The following AKAP6 variants were observed in gnomAD, a reference collection of about 807,000 sequenced individuals.
The protein encoded by AKAP6 is A-kinase anchor protein 6.
AKAP6 carries 58 observed loss-of-function variants against 188.5 expected under a neutral mutation model. That is an observed-to-expected ratio of 0.31 (90% confidence interval 0.25 to 0.38). The LOEUF (loss-of-function observed/expected upper bound fraction) is 0.38. Ranked by LOEUF, AKAP6 falls within the 10% of genes least tolerant of loss-of-function variation. AKAP6 has a pLI of 1.00. For missense variants in AKAP6, 2,710 were observed against 2,740.0 expected (o/e 0.99, Z 0.24); for synonymous variants, 989 against 998.6 (o/e 0.99, Z 0.18).
chr14:32,506,962 G>T (rs1880911896), intron 2 of AKAP6, among the ~76,000 whole-genome samples: 1 of 152,084 alleles, frequency 6.6e-6, no homozygotes, highest in Non-Finnish European at 1.5e-5. Context: ...AAAAAGTCTA[G>T]GTAAATGCTT....
intron 2 of AKAP6, among the ~76,000 whole-genome samples, chr14:32,479,851 G>A (rs948666942): frequency 6.6e-6 from 1 of 152,160 alleles, no homozygotes. Context: ...ACCTTGATCT[G>A]GGACTTCCCA....
chr14:32,646,471 A>G (rs17099409), intron 7 of AKAP6, among the ~76,000 whole-genome samples: 6,657 of 152,208 alleles, frequency 0.044, 495 homozygotes, highest in African/African-American at 0.15. Context: ...CGCAAGATCT[A>G]CCATAAGCGT....
At chr14:32,457,094 A>G (rs1891170683) in intron 2 of AKAP6, among the ~76,000 whole-genome samples, 1 of 152,236 alleles carries the variant, frequency 6.6e-6, no homozygotes, top group African/African-American at 2.4e-5. Flanking sequence ...AACTCTGAGC[A>G]GCAGTTAAAT....
chr14:32,737,079 A>G (rs778377822), intron 11 of AKAP6, among the ~76,000 whole-genome samples: 1 of 152,094 alleles, frequency 6.6e-6, no homozygotes, highest in Non-Finnish European at 1.5e-5. Flanking sequence ...GACCCATCCT[A>G]ACCTCTACTG....
intron 4 of AKAP6, among the ~76,000 whole-genome samples, chr14:32,567,796 T>C (rs1884267879): frequency 6.6e-6 from 1 of 152,210 alleles, no homozygotes; most frequent in East Asian, 1.9e-4. Context: ...AGGTCTGTAC[T>C]TCAGTGTCAA....
At chr14:32,442,613 T>G (rs903348032) in intron 2 of AKAP6, 6 of 150,018 alleles carry the variant, frequency 4.0e-5, no homozygotes, top group Non-Finnish European at 8.9e-5. Flanking sequence ...CACTCCAGCC[T>G]GAGCAACATA....
At chr14:32,694,969 G>A (rs1890343535) in intron 8 of AKAP6, among the ~76,000 whole-genome samples, 1 of 152,082 alleles carries the variant, frequency 6.6e-6, no homozygotes, top group South Asian at 2.1e-4. Context: ...TCTTTTAGTG[G>A]GGTGATTTTG....
intron 1 of AKAP6, among the ~76,000 whole-genome samples, chr14:32,335,889 G>T (rs1594513760): frequency 7.2e-6 from 1 of 137,932 alleles, no homozygotes; most frequent in Non-Finnish European, 1.5e-5. Context: ...CAGGAGGCCA[G>T]AGGGCCTATA....
At chr14:32,715,785 T>G (rs1252117836) in intron 9 of AKAP6, among the ~76,000 whole-genome samples, 1 of 147,412 alleles carries the variant, frequency 6.8e-6, no homozygotes, top group Non-Finnish European at 1.5e-5. Flanking sequence ...TTTTTAAAAT[T>G]CTAGTGAATT....
In AKAP6 at chr14:32,822,585, A is replaced by G. The variant is rs778892774; in HGVS notation, c.4772A>G (p.Gln1591Arg). 1.9e-6 allele frequency: 3 copies of G among 1,614,002 alleles called. No homozygotes were observed. Among genetic ancestry groups the G allele is most frequent in the Non-Finnish European group, 2.5e-6 (3 of 1,179,952 alleles). Residue 1591 changes from glutamine to arginine, a missense_variant, in exon 13 of 14, where the codon CAG becomes CGG. Physicochemically the swap from Gln to Arg is conservative, Grantham distance 43 (BLOSUM62 1). This residue lies in a region of AKAP6 where 2,473 missense variants were observed against 2,426.1 expected (regional missense o/e 1.02). Coordinates refer to ENST00000280979, the MANE Select transcript of AKAP6 (RefSeq NM_004274.5). ...GIFKNGSDSL[Q>R]RSTSLESWLT... ...TTTAAAAATGGCAGTGACAGCCTCC[A>G]GCGAAGCACTTCTTTAGAAAGTTGG... is the stretch of plus-strand genomic sequence containing the variant.
At chr14:32,448,194 T>A (rs1890820883) in intron 2 of AKAP6, among the ~76,000 whole-genome samples, 1 of 152,214 alleles carries the variant, frequency 6.6e-6, no homozygotes, top group South Asian at 2.1e-4. Context: ...AATGCCTCCC[T>A]TTCCTGGGTC....
At chr14:32,725,986 A>G (rs1382357094) in intron 9 of AKAP6, among the ~76,000 whole-genome samples, 2 of 152,148 alleles carry the variant, frequency 1.3e-5, no homozygotes, top group East Asian at 1.9e-4. Flanking sequence ...GCAGCTTACT[A>G]TCCTTATTTT....
chr14:32,607,844 T>G (rs1886185242), intron 7 of AKAP6, among the ~76,000 whole-genome samples: 1 of 152,188 alleles, frequency 6.6e-6, no homozygotes, highest in South Asian at 2.1e-4. Context: ...TATATAAACA[T>G]AGTCCTGATT....
chr14:32,673,013 G>A (rs185518175), intron 7 of AKAP6, among the ~76,000 whole-genome samples: 18 of 152,246 alleles, frequency 1.2e-4, no homozygotes, highest in East Asian at 1.2e-3. Context: ...ATCCTCCATC[G>A]TCTATCCACT....
At chr14:32,488,694 T>G (rs1303666365) in intron 2 of AKAP6, among the ~76,000 whole-genome samples, 2 of 152,094 alleles carry the variant, frequency 1.3e-5, no homozygotes, top group Admixed American at 1.3e-4. Context: ...GTCTGCAGGT[T>G]GCAAAGACAG....
At chr14:32,603,951 A>G (rs1354544792) in intron 7 of AKAP6, among the ~76,000 whole-genome samples, 1 of 152,126 alleles carries the variant, frequency 6.6e-6, no homozygotes, top group African/African-American at 2.4e-5. Flanking sequence ...TATAAGAATT[A>G]AAAAGTGATA....
intron 12 of AKAP6, among the ~76,000 whole-genome samples, chr14:32,780,972 A>G (rs935168812): frequency 6.6e-6 from 1 of 152,172 alleles, no homozygotes; most frequent in African/African-American, 2.4e-5. Context: ...CAAAATATTA[A>G]AATCTGTGGG....
At chr14:32,553,941 T>C (rs1883589691) in intron 4 of AKAP6, among the ~76,000 whole-genome samples, 1 of 152,098 alleles carries the variant, frequency 6.6e-6, no homozygotes, top group Non-Finnish European at 1.5e-5. Flanking sequence ...AGAAGCGAAG[T>C]CAAGTAATGG....
At chr14:32,377,300 A>C in intron 1 of AKAP6, among the ~76,000 whole-genome samples, 1 of 152,128 alleles carries the variant, frequency 6.6e-6, no homozygotes, top group Non-Finnish European at 1.5e-5. Flanking sequence ...TCATTATTTC[A>C]ACTGTGAGGC....
Sources: gnomAD v4.1 joint callset for allele counts (sites outside exome capture counted in the v4.1 genomes callset) on GRCh38, gnomAD v4.1.1 for gene constraint, gnomAD v4.1.1 regional missense constraint, MANE v1.5 for transcripts, NCBI Gene and HGNC (gene_info 2026-07-23, HGNC 2026-07-21) for gene names.